Variants in ABTB3 observed in about 807,000 individuals in gnomAD.
ABTB3 encodes the protein ankyrin repeat- and BTB/POZ domain-containing protein 3.
At chr12:107,610,833 C>A in the ABTB3 span, among the ~76,000 whole-genome samples, 1 of 152,240 alleles carries the variant, frequency 6.6e-6, no homozygotes, top group South Asian at 2.1e-4. Flanking sequence ...GCAGCTATCC[C>A]CCCTAACTCC....
the ABTB3 span, among the ~76,000 whole-genome samples, chr12:107,461,944 C>T: frequency 2.0e-5 from 3 of 152,142 alleles, no homozygotes; most frequent in Non-Finnish European, 2.9e-5. Flanking sequence ...CTGGAGATTT[C>T]CATCTGATTT....
chr12:107,577,757 G>A, the ABTB3 span, among the ~76,000 whole-genome samples: 23 of 152,084 alleles, frequency 1.5e-4, no homozygotes, highest in Non-Finnish European at 3.4e-4. Flanking sequence ...AACCTGGCTT[G>A]CTGCAGAATT....
the ABTB3 span, among the ~76,000 whole-genome samples, chr12:107,624,114 A>G: frequency 3.3e-5 from 5 of 152,040 alleles, no homozygotes; most frequent in African/African-American, 1.2e-4. Flanking sequence ...TGGGCCAGGG[A>G]AAGTTTGGCT....
the ABTB3 span, among the ~76,000 whole-genome samples, chr12:107,512,140 CA>C: frequency 6.6e-6 from 1 of 152,060 alleles, no homozygotes; most frequent in African/African-American, 2.4e-5. Context: ...TAAATCCCCC[CA>C]AAAATGACTG....
At chr12:107,375,467 A>C in the ABTB3 span, among the ~76,000 whole-genome samples, 37 of 142,600 alleles carry the variant, frequency 2.6e-4, no homozygotes, top group African/African-American at 9.7e-4. Flanking sequence ...TCATCATCAT[A>C]AATAAAAATA....
At chr12:107,656,632 T>C in the ABTB3 span, among the ~76,000 whole-genome samples, 1 of 152,264 alleles carries the variant, frequency 6.6e-6, no homozygotes, top group Non-Finnish European at 1.5e-5. Context: ...CAGAGGCTAA[T>C]ATACAGTCAC....
the ABTB3 span, among the ~76,000 whole-genome samples, chr12:107,565,493 A>C: frequency 6.6e-6 from 1 of 152,104 alleles, no homozygotes; most frequent in Admixed American, 6.6e-5. Context: ...GAAGCACCAA[A>C]GGGTTAGGAG....
At chr12:107,321,560 T>A in the ABTB3 span, among the ~76,000 whole-genome samples, 2 of 151,772 alleles carry the variant, frequency 1.3e-5, no homozygotes, top group African/African-American at 2.4e-5. Flanking sequence ...CCCCGTCTGC[T>A]GCCAGCCAGG....
At chr12:107,599,587 T>C in the ABTB3 span, among the ~76,000 whole-genome samples, 1 of 152,180 alleles carries the variant, frequency 6.6e-6, no homozygotes, top group African/African-American at 2.4e-5. Flanking sequence ...AGTGTTGTGC[T>C]TTCATTTCTC....
chr12:107,645,410 G>T, the ABTB3 span, among the ~76,000 whole-genome samples: 1 of 152,150 alleles, frequency 6.6e-6, no homozygotes, highest in Admixed American at 6.6e-5. Flanking sequence ...ACAGACAAGG[G>T]CATGCATTCA....
the ABTB3 span, among the ~76,000 whole-genome samples, chr12:107,496,170 A>C: frequency 6.6e-6 from 1 of 152,146 alleles, no homozygotes; most frequent in Non-Finnish European, 1.5e-5. Flanking sequence ...CCCATTCATG[A>C]ATGCAGCGGT....
At chr12:107,340,789 C>T in the ABTB3 span, among the ~76,000 whole-genome samples, 2 of 152,260 alleles carry the variant, frequency 1.3e-5, no homozygotes, top group African/African-American at 4.8e-5. Flanking sequence ...CAGGATGGAG[C>T]CCTTTTCTAG....
the ABTB3 span, among the ~76,000 whole-genome samples, chr12:107,484,697 G>T: frequency 2.0e-5 from 3 of 151,992 alleles, no homozygotes; most frequent in Non-Finnish European, 4.4e-5. Context: ...GCTCAAGACT[G>T]TGTCAATAAT....
chr12:107,416,701 C>G, the ABTB3 span, among the ~76,000 whole-genome samples: 11 of 152,172 alleles, frequency 7.2e-5, no homozygotes, highest in Non-Finnish European at 1.5e-4. Flanking sequence ...CACTCTGTCA[C>G]CCAGGCTAGA....
the ABTB3 span, among the ~76,000 whole-genome samples, chr12:107,605,395 C>G: frequency 6.6e-6 from 1 of 152,166 alleles, no homozygotes; most frequent in Non-Finnish European, 1.5e-5. Context: ...CCTGGAGAGC[C>G]CTGGCTTGTA....
At chr12:107,463,691 T>C in the ABTB3 span, among the ~76,000 whole-genome samples, 2 of 152,180 alleles carry the variant, frequency 1.3e-5, no homozygotes, top group Admixed American at 1.3e-4. Context: ...TAGCAAACAC[T>C]GTGTATCTCC....
chr12:107,543,371 C>T, the ABTB3 span, among the ~76,000 whole-genome samples: 10 of 145,190 alleles, frequency 6.9e-5, no homozygotes, highest in Admixed American at 5.5e-4. Context: ...AAAAAAAACA[C>T]GAAAAGTACA....
the ABTB3 span, among the ~76,000 whole-genome samples, chr12:107,389,609 C>T: frequency 3.3e-5 from 5 of 152,172 alleles, no homozygotes; most frequent in African/African-American, 1.2e-4. Context: ...GTGAAACAAA[C>T]CAACCCAAAC....
At chr12:107,398,278 C>G in the ABTB3 span, among the ~76,000 whole-genome samples, 1 of 152,202 alleles carries the variant, frequency 6.6e-6, no homozygotes, top group African/African-American at 2.4e-5. Flanking sequence ...TTCCTGAAGC[C>G]TGGTGTTTAT....
Sources: gnomAD v4.1 joint callset for allele counts (sites outside exome capture counted in the v4.1 genomes callset) on GRCh38, gnomAD v4.1.1 for gene constraint, MANE v1.5 for transcripts, NCBI Gene and HGNC (gene_info 2026-07-23, HGNC 2026-07-21) for gene names.